The following PXYLP1 variants were observed in gnomAD, a reference collection of about 807,000 sequenced individuals.
PXYLP1 encodes acid phosphatase-like 2.
In PXYLP1, 17 loss-of-function variants were observed where a neutral mutation model predicts 37.9. That is an observed-to-expected ratio of 0.45 (90% CI 0.31 to 0.67). The LOEUF (loss-of-function observed/expected upper bound fraction) is 0.67, where lower values mean the gene tolerates loss of function less well. PXYLP1 is among the 30% of genes least tolerant of loss of function. PXYLP1 has a pLI of 0.07. For synonymous variants in PXYLP1, 221 were observed against 232.2 expected (o/e 0.95, Z 0.44); for missense variants, 511 against 612.0 (o/e 0.84, Z 1.74).
chr3:141,248,026 T>TTC (rs201661974), intron 1 of PXYLP1, among the ~76,000 whole-genome samples: 1 of 122,602 alleles, frequency 8.2e-6, no homozygotes, highest in African/African-American at 3.1e-5. Flanking sequence ...TTGTTTTGTT[T>TTC]TTTTTTTTTT....
intron 1 of PXYLP1, among the ~76,000 whole-genome samples, chr3:141,246,034 C>T (rs1940928770): frequency 6.6e-6 from 1 of 152,154 alleles, no homozygotes; most frequent in South Asian, 2.1e-4. Context: ...CCCCGACTGA[C>T]CGACTAAACC....
chr3:141,250,178 G>C (rs946115786), intron 1 of PXYLP1, among the ~76,000 whole-genome samples: 2 of 152,250 alleles, frequency 1.3e-5, no homozygotes, highest in Admixed American at 6.5e-5. Context: ...CGTACAGTCA[G>C]TAGGCTGCAG....
chr3:141,260,011 G>T (rs954032810), intron 1 of PXYLP1, 112 bp from the exon 2 acceptor site: 5 of 709,236 alleles, frequency 7.0e-6, no homozygotes, highest in Non-Finnish European at 1.2e-5. Flanking sequence ...CTTCCCTGCC[G>T]GGGGACTGGG....
In PXYLP1 at chr3:141,287,389, C is replaced by T. The variant is rs1354267841; in HGVS notation, c.441C>T (p.Pro147=). Reference sequence around the variant, plus strand: ...GATCCGGAGCCTCTTTCGAAAGCCCCTTGAACTCCTTGCCTCTTTACCCAA... The same window carrying T: ...GATCCGGAGCCTCTTTCGAAAGCCCTTTGAACTCCTTGCCTCTTTACCCAA... ...SKGSGASFES[P]LNSLPLYPNH... The change falls in exon 5 of 6, where the codon CCC becomes CCT. Residue 147 remains proline (P), a synonymous_variant. Transcript: ENST00000286353. The T allele has an allele frequency of 1.5e-5, 25 of 1,614,024 alleles. No homozygotes were observed. Among genetic ancestry groups the T allele is most frequent in the Non-Finnish European group, 1.8e-5 (21 of 1,180,026 alleles).
At chr3:141,276,472 T>C (rs1311437229) in intron 2 of PXYLP1, among the ~76,000 whole-genome samples, 1 of 152,252 alleles carries the variant, frequency 6.6e-6, no homozygotes, top group Non-Finnish European at 1.5e-5. Context: ...TCACTTCACT[T>C]AATTTATCTT....
chr3:141,256,719 T>C (rs1334153197), intron 1 of PXYLP1, among the ~76,000 whole-genome samples: 2 of 152,202 alleles, frequency 1.3e-5, no homozygotes, highest in Non-Finnish European at 2.9e-5. Flanking sequence ...AAAGAAGGCA[T>C]CCTGGGATTC....
At chr3:141,255,027 G>A (rs1377853770) in intron 1 of PXYLP1, among the ~76,000 whole-genome samples, 6 of 152,128 alleles carry the variant, frequency 3.9e-5, no homozygotes, top group African/African-American at 7.2e-5. Flanking sequence ...GTGGTAGAAC[G>A]GTAGCTTGTA....
chr3:141,262,842 C>T lies in PXYLP1; in HGVS notation c.79+2588C>T, dbSNP rs928826225. The T allele has an allele frequency of 4.5e-5, 33 of 733,868 alleles. No homozygotes were observed. The East Asian group carries it at 5.3e-4, about 12-fold the overall frequency. 45.5% of individuals were successfully genotyped at this position (733,868 alleles called of 1,614,324 possible). A position where few individuals can be genotyped will look rare whatever the true frequency, so the allele number is the denominator to read the frequency against. ...TGTAAGAAACAGCACTAATTCATAA[C>T]GCACAGGTTTCGCTTATATACCACT... On this transcript the variant is annotated intron_variant, in intron 2 of 5. Coordinates refer to ENST00000286353, the MANE Select transcript of PXYLP1 (RefSeq NM_001037172.3).
rs1941355872 is a variant in PXYLP1 at position 141,260,196 on chromosome 3, C to T, written c.21C>T (p.Phe7=). 6.2e-7 allele frequency: 1 copy of T among 1,613,784 alleles called. No homozygotes were observed. MLFRNR[F]LLLLALAALL... ...TAATAATGCTTTTCCGCAACCGCTT[C>T]TTGCTGCTGCTGGCCCTGGCTGCGC... The change falls in exon 2 of 6, where the codon TTC becomes TTT. Residue 7 remains phenylalanine (F), a synonymous_variant. Transcript: ENST00000286353.
intron 2 of PXYLP1, chr3:141,274,255 C>T: frequency 7.9e-7 from 1 of 1,268,750 alleles, no homozygotes. Flanking sequence ...GCAGAGGCGG[C>T]CTGCAGCCCG....
chr3:141,264,323 C>T (rs1478986270), intron 2 of PXYLP1, among the ~76,000 whole-genome samples: 2 of 152,172 alleles, frequency 1.3e-5, no homozygotes, highest in East Asian at 1.9e-4. Flanking sequence ...CAGTGCCATG[C>T]AGAGGTGGAA....
In PXYLP1 at chr3:141,294,380, T is replaced by G. The variant is rs1171617028; in HGVS notation, c.*1175T>G. 6.6e-6 allele frequency: 1 copy of G among 152,218 alleles called. No individual in the cohort carries two copies. The highest frequency in any genetic ancestry group is 1.5e-5 in the Non-Finnish European group (1 of 68,038). 9.4% of individuals were successfully genotyped at this position (152,218 alleles called of 1,614,324 possible). The stretch of plus-strand genomic sequence containing the variant: ...ATTTTCATCAGTTTCAAATGGTAAA[T>G]TCTGATTGATTTTTAAATGCGTTTT... On this transcript the variant is annotated 3_prime_UTR_variant, in exon 6 of 6. Transcript: ENST00000286353.
At chr3:141,272,715 G>C (rs1490401134) in intron 2 of PXYLP1, 1 of 152,736 alleles carries the variant, frequency 6.5e-6, no homozygotes, top group African/African-American at 2.4e-5. Flanking sequence ...CGATGTTCAA[G>C]GGCAGGGCGC....
chr3:141,234,913 G>A (rs1940623572), intron 1 of PXYLP1: 1 of 152,394 alleles, frequency 6.6e-6, no homozygotes, highest in Non-Finnish European at 1.5e-5. Flanking sequence ...TGCAGCTGGT[G>A]AAAATCTGTT....
chr3:141,291,513 T>C (rs1359144788), intron 5 of PXYLP1: 2 of 152,246 alleles, frequency 1.3e-5, no homozygotes, highest in African/African-American at 4.8e-5. Flanking sequence ...TATACAACTT[T>C]CCAAAGTTTC....
intron 1 of PXYLP1, among the ~76,000 whole-genome samples, chr3:141,244,483 C>T (rs769905325): frequency 6.6e-5 from 10 of 151,754 alleles, no homozygotes; most frequent in Non-Finnish European, 1.3e-4. Context: ...ATTTCAGCAG[C>T]CATCTCCCGC....
chr3:141,260,157 G>T lies in PXYLP1; in HGVS notation c.-19G>T. On this transcript the variant is annotated 5_prime_UTR_variant, in exon 2 of 6. Coordinates refer to ENST00000286353, the MANE Select transcript of PXYLP1 (RefSeq NM_001037172.3). ...CCGATTTGAGGTGAAACCATGAAGA[G>T]AAAATAGAATACTTAATAATGCTTT... is the stretch of plus-strand genomic sequence containing the variant. 6.2e-7 allele frequency: 1 copy of T among 1,613,858 alleles called. No homozygotes were observed. The highest frequency in any genetic ancestry group is 8.5e-7 in the Non-Finnish European group (1 of 1,179,968).
At chr3:141,237,783 G>A (rs891133322) in intron 1 of PXYLP1, among the ~76,000 whole-genome samples, 6 of 152,216 alleles carry the variant, frequency 3.9e-5, no homozygotes, top group Non-Finnish European at 5.9e-5. Flanking sequence ...GAATGGCGGT[G>A]CAGATCGATT....
At chr3:141,285,870 C>T (rs1942064976) in intron 4 of PXYLP1, among the ~76,000 whole-genome samples, 1 of 152,192 alleles carries the variant, frequency 6.6e-6, no homozygotes. Flanking sequence ...GGCATAACTC[C>T]CTTTAGCTAT....
Sources: gnomAD v4.1 joint callset for allele counts (sites outside exome capture counted in the v4.1 genomes callset) on GRCh38, gnomAD v4.1.1 for gene constraint, MANE v1.5 for transcripts, NCBI Gene and HGNC (gene_info 2026-07-23, HGNC 2026-07-21) for gene names.